Variants in NCK2 observed in about 807,000 individuals in gnomAD.
The protein encoded by NCK2 is cytoplasmic protein NCK2.
A neutral mutation model predicts 33.9 loss-of-function variants in NCK2; 16 were observed. The ratio of observed to expected loss-of-function variants is 0.47; its 90% CI spans 0.32 to 0.72. NCK2 has a LOEUF of 0.72. NCK2 is among the 30% of genes least tolerant of loss of function. The pLI is 0.03. For missense variants in NCK2, 418 were observed against 537.3 expected (o/e 0.78, Z 2.19); for synonymous variants, 273 against 239.9 (o/e 1.14, Z -1.27).
intron 1 of NCK2, among the ~76,000 whole-genome samples, chr2:105,804,451 G>A (rs1028814510): frequency 6.6e-6 from 1 of 152,196 alleles, no homozygotes; most frequent in Non-Finnish European, 1.5e-5. Flanking sequence ...CTTTGGAAAT[G>A]CTTACACAGC....
intron 2 of NCK2, among the ~76,000 whole-genome samples, chr2:105,850,813 A>G (rs1196156362): frequency 1.3e-5 from 2 of 152,178 alleles, no homozygotes; most frequent in Non-Finnish European, 2.9e-5. Flanking sequence ...TTCACATTGG[A>G]AATTTGTCAG....
At chr2:105,866,774 C>A (rs1374793512) in intron 3 of NCK2, among the ~76,000 whole-genome samples, 2 of 152,168 alleles carry the variant, frequency 1.3e-5, no homozygotes, top group African/African-American at 2.4e-5. Context: ...GTCTAGAGAA[C>A]ATCAGGCTTT....
chr2:105,770,915 TTTGTTTTTGC>T (rs1032258275), intron 1 of NCK2, among the ~76,000 whole-genome samples: 20 of 114,494 alleles, frequency 1.7e-4, no homozygotes, highest in South Asian at 1.3e-3. Flanking sequence ...TGTTTGTTTG[TTTGTTTTTGC>T]TTTTGTTTTT....
At chr2:105,820,125 A>G (rs1250744544) in intron 2 of NCK2, among the ~76,000 whole-genome samples, 2 of 152,204 alleles carry the variant, frequency 1.3e-5, no homozygotes, top group Non-Finnish European at 2.9e-5. Context: ...TTAAAGAATG[A>G]GGAGACGTGT....
chr2:105,776,829 TACTG>T (rs1432104466), intron 1 of NCK2, among the ~76,000 whole-genome samples: 6 of 152,132 alleles, frequency 3.9e-5, no homozygotes, highest in Admixed American at 1.3e-4. Flanking sequence ...TGGTAGTCAG[TACTG>T]CTGACCTCAC....
In NCK2 at chr2:105,777,671, G is replaced by A. The variant is rs1042197380; in HGVS notation, c.-201+32533G>A. ...GGTAACAGTCTGTGGACACCAATGC[G>A]CACAATTCCTATCAAGGTCCTGTGT... On this transcript the variant is annotated intron_variant, in intron 1 of 4. Coordinates refer to ENST00000233154, the MANE Select transcript of NCK2 (RefSeq NM_003581.5). Among the ~76,000 whole-genome samples, 9 of 152,254 alleles carry A rather than the reference G, an allele frequency of 5.9e-5. No homozygotes were observed. In the South Asian group the frequency reaches 8.3e-4, roughly 14 times the overall value.
intron 1 of NCK2, among the ~76,000 whole-genome samples, chr2:105,746,894 C>T (rs947792775): frequency 6.6e-6 from 1 of 152,162 alleles, no homozygotes; most frequent in Non-Finnish European, 1.5e-5. Flanking sequence ...TGTGGAGGTG[C>T]CTGGCCCACT....
At chr2:105,756,756 C>CT (rs1689608660) in intron 1 of NCK2, among the ~76,000 whole-genome samples, 1 of 152,246 alleles carries the variant, frequency 6.6e-6, no homozygotes, top group Admixed American at 6.5e-5. Flanking sequence ...CACGCAGTGA[C>CT]TGCTTGGCTT....
intron 3 of NCK2, among the ~76,000 whole-genome samples, chr2:105,857,360 C>T (rs1317822078): frequency 6.6e-6 from 1 of 152,270 alleles, no homozygotes; most frequent in Non-Finnish European, 1.5e-5. Flanking sequence ...GACAGATGGC[C>T]ATCCAGCCCT....
Position 105,881,500 on chromosome 2 carries a change from GA to G in NCK2, c.401del (p.Lys134ArgfsTer47). 6.2e-7 allele frequency: 1 copy of G among 1,614,028 alleles called. No homozygotes were observed. Among genetic ancestry groups the G allele is most frequent in the Non-Finnish European group, 8.5e-7 (1 of 1,180,006 alleles). On this transcript the variant is annotated frameshift_variant, in exon 4 of 5. Transcript: ENST00000233154. LOFTEE classifies it high-confidence loss of function. ...AEREDELSLV[K>X]GSRVTVMEKC... ...AGCGGGAGGATGAGTTGTCCCTGGT[GA>G]AGGGGTCGCGCGTCACCGTCATGGA...
intron 1 of NCK2, among the ~76,000 whole-genome samples, chr2:105,807,792 TCTCCCTCCCTCCCTTCTATCTCTCC>T (rs1675127264): frequency 4.8e-4 from 3 of 6,206 alleles, no homozygotes; most frequent in African/African-American, 7.6e-4. Flanking sequence ...CCCTTCTCTC[TCTCCCTCCCTCCCTTCTATCTCTCC>T]CTCCCTCCCT....
At chr2:105,785,169 A>G (rs7595703) in intron 1 of NCK2, among the ~76,000 whole-genome samples, 75,465 of 151,924 alleles carry the variant, frequency 0.5, 19,830 homozygotes, top group African/African-American at 0.67. Flanking sequence ...TAGTAGAGAC[A>G]GGATTTCACT....
intron 1 of NCK2, among the ~76,000 whole-genome samples, chr2:105,785,340 G>T (rs1690639608): frequency 6.6e-6 from 1 of 152,148 alleles, no homozygotes; most frequent in Admixed American, 6.5e-5. Flanking sequence ...AAGAACCAGA[G>T]GACGGTTCCC....
chr2:105,799,985 G>A (rs375097045), intron 1 of NCK2, among the ~76,000 whole-genome samples: 8 of 152,278 alleles, frequency 5.3e-5, no homozygotes, highest in Admixed American at 6.5e-5. Flanking sequence ...TTTGGTCAGC[G>A]TAGCTTCTGG....
chr2:105,886,115 T>C (rs936222140), intron 4 of NCK2, among the ~76,000 whole-genome samples: 3 of 152,252 alleles, frequency 2.0e-5, no homozygotes, highest in Admixed American at 6.5e-5. Flanking sequence ...CTGTGAGCAG[T>C]GCCTGTAGGC....
intron 1 of NCK2, among the ~76,000 whole-genome samples, chr2:105,769,982 C>T (rs1179456872): frequency 1.3e-5 from 2 of 151,984 alleles, no homozygotes; most frequent in African/African-American, 4.8e-5. Flanking sequence ...GCTACTTTAC[C>T]CTTGGTGCCT....
intron 1 of NCK2, among the ~76,000 whole-genome samples, chr2:105,747,348 T>C (rs2104318421): frequency 6.6e-6 from 1 of 152,296 alleles, no homozygotes; most frequent in East Asian, 1.9e-4. Context: ...GGATAACCTT[T>C]TAAAATACCC....
intron 3 of NCK2, among the ~76,000 whole-genome samples, chr2:105,863,079 C>T (rs1266905330): frequency 6.6e-6 from 1 of 152,228 alleles, no homozygotes; most frequent in African/African-American, 2.4e-5. Flanking sequence ...TCAGAACTTT[C>T]TCTAATTATT....
At chr2:105,773,579 G>C (rs1174511508) in intron 1 of NCK2, among the ~76,000 whole-genome samples, 1 of 152,020 alleles carries the variant, frequency 6.6e-6, no homozygotes, top group Non-Finnish European at 1.5e-5. Flanking sequence ...CCAGTCCTCT[G>C]TCAGCACCCA....
Sources: allele counts gnomAD v4.1 joint callset (sites outside exome capture counted in the v4.1 genomes callset), GRCh38; gene constraint gnomAD v4.1.1; transcripts MANE v1.5; gene names NCBI Gene and HGNC (gene_info 2026-07-23, HGNC 2026-07-21).